The following LRWD1 variants were observed in gnomAD, a reference collection of about 807,000 sequenced individuals.
LRWD1 encodes the protein leucine-rich repeat and WD repeat-containing protein 1.
LRWD1 carries 76 observed loss-of-function variants against 75.6 expected under a neutral mutation model. The observed-to-expected ratio is 1.01, with a 90% CI of 0.84 to 1.22. The LOEUF is 1.22. Ranked by LOEUF, LRWD1 falls within the 50% of genes most tolerant of loss-of-function variation. LRWD1 has a pLI of 0.00. For synonymous variants in LRWD1, 487 were observed against 377.0 expected (o/e 1.29, Z -3.38); for missense variants, 917 against 862.0 (o/e 1.06, Z -0.80).
rs752606025 is a variant in LRWD1 at position 102,472,685 on chromosome 7, C to G, written c.1691-7C>G. 1.2e-6 allele frequency: 2 copies of G among 1,613,412 alleles called. No homozygotes were observed. The highest frequency in any genetic ancestry group is 1.3e-5 in the African/African-American group (1 of 75,072). ...CCCCCACTCAGACTCCACCTCTGTC[C>G]CGGCAGATAAGGGGATTGTGCTCTG... On this transcript the variant is annotated splice_region_variant and splice_polypyrimidine_tract_variant and intron_variant, in intron 13 of 14. Coordinates refer to ENST00000292616, the MANE Select transcript of LRWD1 (RefSeq NM_152892.3).
chr7:102,465,000 A>G lies in LRWD1; in HGVS notation c.-81A>G. 1 of 1,359,840 alleles carries G rather than the reference A, an allele frequency of 7.4e-7. No homozygotes were observed. Among genetic ancestry groups the G allele is most frequent in the Non-Finnish European group, 9.5e-7 (1 of 1,048,778 alleles). The allele number at this position is 1,359,840 out of a possible 1,614,324, so 84.2% of individuals were successfully genotyped here. On this transcript the variant is annotated 5_prime_UTR_variant, in exon 1 of 15. Transcript: ENST00000292616. Reference sequence around the variant, plus strand: ...CCTGGGCTCAGTTACCGCGGACGCCAGTGCCGGGCTCCAGGAGACGCAGGG... The same window carrying G: ...CCTGGGCTCAGTTACCGCGGACGCCGGTGCCGGGCTCCAGGAGACGCAGGG...
At chr7:102,472,159 G>A in intron 11 of LRWD1, 59 bp from the exon 12 acceptor site, 1 of 1,485,078 alleles carries the variant, frequency 6.7e-7, no homozygotes, top group Non-Finnish European at 9.2e-7. Flanking sequence ...ATGCCTGGGT[G>A]AGTGGGCAGC....
chr7:102,467,980 C>T (rs1798063968), intron 5 of LRWD1, 82 bp from the exon 6 acceptor site: 2 of 1,553,160 alleles, frequency 1.3e-6, no homozygotes, highest in Admixed American at 3.7e-5. Context: ...CCTGCATCCG[C>T]AGTGAGGTGG....
chr7:102,466,664 C>T (rs906347934), intron 3 of LRWD1, among the ~76,000 whole-genome samples: 6 of 151,622 alleles, frequency 4.0e-5, no homozygotes, highest in African/African-American at 7.3e-5. Context: ...GTGATCTGCC[C>T]GCCTTGGCCT....
In LRWD1 at chr7:102,473,108, GA is replaced by G; in HGVS notation, c.*60del. The G allele has an allele frequency of 2.0e-5, 28 of 1,417,564 alleles. No individual in the cohort carries two copies. Among genetic ancestry groups the G allele is most frequent in the Non-Finnish European group, 2.5e-5 (26 of 1,049,848 alleles). 87.8% of individuals were successfully genotyped at this position (1,417,564 alleles called of 1,614,324 possible). ...TAACTAACTTATTCAGCTTTGGGCC[GA>G]TGGGGGTGGGGGGGGGTCTTTCAGT... On this transcript the variant is annotated 3_prime_UTR_variant, in exon 15 of 15. Coordinates refer to ENST00000292616, the MANE Select transcript of LRWD1 (RefSeq NM_152892.3).
At chr7:102,471,219 A>G (rs1189948933) in intron 11 of LRWD1, 1 of 151,822 alleles carries the variant, frequency 6.6e-6, no homozygotes, top group Non-Finnish European at 1.5e-5. Context: ...GATGTGAGCC[A>G]TTGCACCCAG....
Position 102,468,154 on chromosome 7 carries a change from G to C in LRWD1, c.771G>C (p.Glu257Asp). 2 of 1,606,804 alleles carry C rather than the reference G, an allele frequency of 1.2e-6. No homozygotes were observed. Among genetic ancestry groups the C allele is most frequent in the East Asian group, 2.2e-5 (1 of 44,620 alleles). ...RACASPSAQVEGSPVAGSDGS... is the reference protein window; with the variant it reads ...RACASPSAQVDGSPVAGSDGS... Reference sequence around the variant, plus strand: ...GTGCCTCCCCGTCGGCCCAGGTGGAGGGCAGCCCTGTGGCAGGCTCCGATG... The same window carrying C: ...GTGCCTCCCCGTCGGCCCAGGTGGACGGCAGCCCTGTGGCAGGCTCCGATG... Residue 257 changes from glutamate (E) to aspartate (D), a missense_variant, in exon 6 of 15, where the codon GAG becomes GAC. Coordinates refer to ENST00000292616, the MANE Select transcript of LRWD1 (RefSeq NM_152892.3).
chr7:102,467,070 GGTGTGTGTGTGT>G (rs59522694), intron 3 of LRWD1, among the ~76,000 whole-genome samples: 1 of 133,502 alleles, frequency 7.5e-6, no homozygotes, highest in Non-Finnish European at 1.6e-5. Flanking sequence ...GGTTGTTGCT[GGTGTGTGTGTGT>G]GTGTGTGTGT....
At position 102,465,909 on chromosome 7, in the gene LRWD1, A is replaced by C. The variant is rs1207125477; in HGVS notation, c.173A>C (p.His58Pro). 6.2e-7 allele frequency: 1 copy of C among 1,613,604 alleles called. No homozygotes were observed. ...QLQELDLSNN[H>P]LETLPDNLGL... ...CAGGAGCTTGACCTGTCTAACAACC[A>C]CCTGGAGACGCTGCCGGACAACCTG... The change falls in exon 2 of 15, where the codon CAC becomes CCC. Residue 58 changes from histidine (H) to proline (P), a missense_variant. His to Pro is a moderately conservative substitution (Grantham distance 77). Coordinates refer to ENST00000292616, the MANE Select transcript of LRWD1 (RefSeq NM_152892.3).
At chr7:102,467,160 G>GGT (rs147361915) in intron 3 of LRWD1, among the ~76,000 whole-genome samples, 179 bp from the exon 4 acceptor site, 15 of 37,158 alleles carry the variant, frequency 4.0e-4, no homozygotes, top group African/African-American at 9.7e-4. Flanking sequence ...TTGTTGCTGG[G>GGT]GTGTGTGTGG....
At position 102,468,977 on chromosome 7, in the gene LRWD1, C is replaced by T. The variant is rs371049831; in HGVS notation, c.1143C>T (p.Ala381=). 36 of 1,612,566 alleles carry T rather than the reference C, an allele frequency of 2.2e-5. No individual in the cohort carries two copies. The highest frequency in any genetic ancestry group is 7.7e-5 in the South Asian group (7 of 91,050). Residue 381 remains alanine (A), a synonymous_variant, in exon 9 of 15, where the codon GCC becomes GCT. Coordinates refer to ENST00000292616, the MANE Select transcript of LRWD1 (RefSeq NM_152892.3). ...TGGTCCGGCTGCTGCACGTGCGTGC[C>T]GGCTTCTGCTGCGGGGTCATCCGAG... ...RGLVRLLHVR[A]GFCCGVIRAH... is the part of the protein sequence containing the mutation.
rs1563655923 is a variant in LRWD1, at chr7:102,468,918, T to A, written c.1084T>A (p.Trp362Arg). The A allele has an allele frequency of 6.2e-7, 1 of 1,612,992 alleles. No homozygotes were observed. Among genetic ancestry groups the A allele is most frequent in the Non-Finnish European group, 8.5e-7 (1 of 1,179,946 alleles). Residue 362 changes from tryptophan to arginine, a missense_variant, in exon 9 of 15, where the codon TGG becomes AGG. Coordinates refer to ENST00000292616, the MANE Select transcript of LRWD1 (RefSeq NM_152892.3). ...CACACAGGCTGGCCACAAGAAGCGC[T>A]GGAGTGTGCTGGCGGCTGCAGGCCT... ...VVTQAGHKKR[W>R]SVLAAAGLRG...
chr7:102,469,237 A>T lies in LRWD1; in HGVS notation c.1228+175A>T, dbSNP rs1798113310. 2.0e-5 allele frequency among the ~76,000 whole-genome samples: 3 copies of T among 152,176 alleles called. No homozygotes were observed. In the South Asian group the frequency reaches 6.2e-4, roughly 32 times the overall value. On this transcript the variant is annotated intron_variant, in intron 9 of 14. Transcript: ENST00000292616. ...GCCATGTCGCTTCAACCCTGGCTTTATCCACAGCCTGCTCTGTGGCCTCGG... is the reference window on the plus strand; with the variant it reads ...GCCATGTCGCTTCAACCCTGGCTTTTTCCACAGCCTGCTCTGTGGCCTCGG...
intron 11 of LRWD1, chr7:102,472,006 C>T (rs1798206905): frequency 1.8e-6 from 1 of 559,348 alleles, no homozygotes; most frequent in Non-Finnish European, 3.2e-6. Flanking sequence ...GCCTCTGGGT[C>T]ACTACTGTGA....
intron 5 of LRWD1, 30 bp downstream of exon 5, chr7:102,467,853 A>C: frequency 1.3e-6 from 2 of 1,544,792 alleles, no homozygotes; most frequent in Non-Finnish European, 1.7e-6. Flanking sequence ...CTCTGAGGCC[A>C]GCCCAGTCCC....
Position 102,469,641 on chromosome 7 carries a change from G to A in LRWD1, c.1296G>A (p.Gln432=), listed in dbSNP as rs1173556767. 2 of 1,614,186 alleles carry A rather than the reference G, an allele frequency of 1.2e-6. No individual in the cohort carries two copies. The highest frequency in any genetic ancestry group is 4.5e-5 in the East Asian group (2 of 44,878). The part of the protein sequence containing the change: ...IGVPNQDYEF[Q]ASQLLTLDTT... ...TGCCCAACCAGGACTACGAATTCCAGGCCAGGTGATGCTTCGGGTGAGGCT... is the reference window on the plus strand; with the variant it reads ...TGCCCAACCAGGACTACGAATTCCAAGCCAGGTGATGCTTCGGGTGAGGCT... The change falls in exon 10 of 15, where the codon CAG becomes CAA. Residue 432 remains glutamine, a synonymous_variant. Transcript: ENST00000292616.
At position 102,465,086 on chromosome 7, in the gene LRWD1, C is replaced by T; in HGVS notation, c.6C>T (p.Gly2=). The T allele has an allele frequency of 6.7e-7, 1 of 1,493,566 alleles. No individual in the cohort carries two copies. The highest frequency in any genetic ancestry group is 8.9e-7 in the Non-Finnish European group (1 of 1,123,994). The allele number at this position is 1,493,566 out of a possible 1,614,324, so 92.5% of individuals were successfully genotyped here. A position where few individuals can be genotyped will look rare whatever the true frequency, so the allele number is the denominator to read the frequency against. The part of the protein sequence containing the change: M[G]PLSARLLMQR... ...GCGGGCTGCGCCTCCTCGCCATGGG[C>T]CCCCTCTCGGCGCGGCTGCTAATGC... is the stretch of plus-strand genomic sequence containing the variant. Residue 2 remains glycine, a synonymous_variant, in exon 1 of 15, where the codon GGC becomes GGT. Transcript: ENST00000292616.
intron 2 of LRWD1, 23 bp from the exon 3 acceptor site, chr7:102,466,131 G>A: frequency 6.2e-7 from 1 of 1,612,984 alleles, no homozygotes; most frequent in Non-Finnish European, 8.5e-7. Context: ...CTGAGCCACT[G>A]CTCTTCACCC....
chr7:102,469,497 TCAGCCTGGGATGCAGCCAG>T, intron 9 of LRWD1, 58 bp from the exon 10 acceptor site: 1 of 1,558,374 alleles, frequency 6.4e-7, no homozygotes, highest in Non-Finnish European at 8.8e-7. Context: ...GACCGTGGGC[TCAGCCTGGGATGCAGCCAG>T]CAGGAGGGAG....
Sources: allele counts gnomAD v4.1 joint callset (sites outside exome capture counted in the v4.1 genomes callset), GRCh38; gene constraint gnomAD v4.1.1; transcripts MANE v1.5; gene names NCBI Gene and HGNC (gene_info 2026-07-23, HGNC 2026-07-21).